Variants in COL4A4 observed in about 807,000 individuals in gnomAD.
COL4A4 encodes collagen alpha-4(IV) chain.
COL4A4 carries 105 observed loss-of-function variants against 192.9 expected under a neutral mutation model. The ratio of observed to expected loss-of-function variants is 0.54; its 90% CI spans 0.46 to 0.64. The LOEUF is 0.64. COL4A4 is among the 30% of genes least tolerant of loss of function. The pLI is 0.00. For synonymous variants in COL4A4, 762 were observed against 769.9 expected (o/e 0.99, Z 0.17); for missense variants, 1,967 against 2,169.3 (o/e 0.91, Z 1.85).
intron 12 of COL4A4, chr2:227,104,288 G>A: frequency 2.2e-6 from 1 of 458,168 alleles, no homozygotes; most frequent in Non-Finnish European, 4.0e-6. Context: ...CTACTATCCA[G>A]GGCCAGGCGC....
chr2:227,120,898 C>T (rs2061741603), intron 5 of COL4A4, 116 bp downstream of exon 5: 1 of 1,366,828 alleles, frequency 7.3e-7, no homozygotes, highest in East Asian at 2.3e-5. Flanking sequence ...GAGATCCCAC[C>T]ACTGCATTCT....
intron 25 of COL4A4, among the ~76,000 whole-genome samples, chr2:227,070,046 A>C (rs1184687832): frequency 6.6e-6 from 1 of 151,530 alleles, no homozygotes; most frequent in African/African-American, 2.4e-5. Flanking sequence ...AACCCCATCA[A>C]AAAGTGGGCG....
chr2:227,040,706 C>T (rs370524076), intron 37 of COL4A4, among the ~76,000 whole-genome samples: 1 of 151,816 alleles, frequency 6.6e-6, no homozygotes, highest in African/African-American at 2.4e-5. Flanking sequence ...GATGGGATTA[C>T]AGGCATGCAC....
chr2:227,086,228 T>G (rs2059596458), intron 22 of COL4A4, among the ~76,000 whole-genome samples: 1 of 152,210 alleles, frequency 6.6e-6, no homozygotes, highest in Admixed American at 6.5e-5. Context: ...GTTTTCTGTT[T>G]TCTTCTTTCC....
At chr2:227,065,375 C>A (rs1319979820) in intron 25 of COL4A4, among the ~76,000 whole-genome samples, 2 of 152,252 alleles carry the variant, frequency 1.3e-5, no homozygotes, top group Non-Finnish European at 2.9e-5. Context: ...GTGGAGCCCA[C>A]CACAGCTCAA....
chr2:227,093,494 A>G (rs953911361), intron 20 of COL4A4, among the ~76,000 whole-genome samples: 1 of 151,932 alleles, frequency 6.6e-6, no homozygotes, highest in African/African-American at 2.4e-5. Context: ...GTTTCTGATG[A>G]CTGGATGGCT....
the COL4A4 span, among the ~76,000 whole-genome samples, chr2:226,982,781 A>AG: frequency 6.6e-6 from 1 of 152,196 alleles, no homozygotes; most frequent in Non-Finnish European, 1.5e-5. Context: ...TCAAGCATTT[A>AG]TGATGCACCC....
chr2:226,984,341 A>G, the COL4A4 span, among the ~76,000 whole-genome samples: 5 of 152,334 alleles, frequency 3.3e-5, 1 homozygote, highest in African/African-American at 1.2e-4. Flanking sequence ...TGATCAGGTT[A>G]TAGTGGGGTC....
At chr2:227,131,136 TCTG>T (rs1286895152) in intron 4 of COL4A4, among the ~76,000 whole-genome samples, 5 of 151,304 alleles carry the variant, frequency 3.3e-5, no homozygotes, top group South Asian at 2.1e-4. Context: ...GGAAAATCTG[TCTG>T]CTTTTTTTTT....
At chr2:227,097,872 A>G (rs1169077885) in intron 19 of COL4A4, among the ~76,000 whole-genome samples, 1 of 152,256 alleles carries the variant, frequency 6.6e-6, no homozygotes, top group Non-Finnish European at 1.5e-5. Context: ...AAATATAACA[A>G]GAGACACAGG....
At chr2:227,124,219 A>G (rs2061961646) in intron 4 of COL4A4, among the ~76,000 whole-genome samples, 1 of 152,248 alleles carries the variant, frequency 6.6e-6, no homozygotes, top group Non-Finnish European at 1.5e-5. Flanking sequence ...TGCATGTCTC[A>G]TAAGTGAAAA....
chr2:227,059,426 G>A lies in COL4A4; in HGVS notation c.2362C>T (p.Pro788Ser), dbSNP rs1976325124. ...VPGIKGPRGD[P>S]GCPGAEGPAG... ...ATACCTTCAGCCCCTGGACATCCCG[G>A]ATCACCTCTGGGTCCTTTTATCCCT... The change falls in exon 28 of 48, where the codon CCG becomes TCG. Residue 788 changes from proline (P) to serine (S), a missense_variant. By Grantham distance (74) the Pro-to-Ser change is moderately conservative. Coordinates refer to ENST00000396625, the MANE Select transcript of COL4A4 (RefSeq NM_000092.5). The A allele has an allele frequency of 6.2e-7, 1 of 1,613,942 alleles. No homozygotes were observed. Among genetic ancestry groups the A allele is most frequent in the Non-Finnish European group, 8.5e-7 (1 of 1,180,010 alleles).
chr2:227,012,115 C>A (rs764369144), intron 45 of COL4A4, 66 bp downstream of exon 45: 1 of 1,312,464 alleles, frequency 7.6e-7, no homozygotes, highest in Non-Finnish European at 1.1e-6. Context: ...CTTGAGAGAT[C>A]AGAGATTTTG....
At chr2:227,030,672 C>A in intron 40 of COL4A4, 74 bp from the exon 41 acceptor site, 48 of 1,180,526 alleles carry the variant, frequency 4.1e-5, no homozygotes, top group Middle Eastern at 2.0e-4. Context: ...TGACAGCTTC[C>A]GAAGAAAAAC....
chr2:227,092,576 T>G (rs1279009749), intron 20 of COL4A4, among the ~76,000 whole-genome samples: 1 of 152,198 alleles, frequency 6.6e-6, no homozygotes, highest in East Asian at 1.9e-4. Context: ...TGTATAATGA[T>G]GAAATTTAGA....
intron 20 of COL4A4, among the ~76,000 whole-genome samples, chr2:227,093,386 G>C (rs34088425): frequency 6.6e-6 from 1 of 151,894 alleles, no homozygotes; most frequent in Non-Finnish European, 1.5e-5. Context: ...TTATTCCAGA[G>C]GTCACAAGAT....
rs1334751349 is a variant in COL4A4, at chr2:227,042,260, G to C, written c.3398-5C>G. Reference sequence around the variant, plus strand: ...GCCCAGGCATCCCGTGATCACCTGAGGATGACAGGGAAGTTTTGCAGATGG... The same window carrying C: ...GCCCAGGCATCCCGTGATCACCTGACGATGACAGGGAAGTTTTGCAGATGG... On this transcript the variant is annotated splice_region_variant and splice_polypyrimidine_tract_variant and intron_variant, in intron 36 of 47. Transcript: ENST00000396625. The C allele has an allele frequency of 5.1e-6, 8 of 1,575,816 alleles. No homozygotes were observed. Among genetic ancestry groups the C allele is most frequent in the Non-Finnish European group, 7.0e-6 (8 of 1,145,202 alleles).
intron 47 of COL4A4, 96 bp from the exon 48 acceptor site, chr2:227,007,684 T>C (rs887751060): frequency 6.0e-6 from 9 of 1,495,512 alleles, no homozygotes; most frequent in African/African-American, 2.8e-5. Context: ...GATCTTAACA[T>C]TTTTCCTTAG....
intron 1 of COL4A4, among the ~76,000 whole-genome samples, chr2:227,162,023 C>A (rs2125575962): frequency 6.6e-6 from 1 of 152,138 alleles, no homozygotes; most frequent in African/African-American, 2.4e-5. Context: ...TAGATTCCAA[C>A]AACTCCCTGA....
Sources: allele counts gnomAD v4.1 joint callset (sites outside exome capture counted in the v4.1 genomes callset), GRCh38; gene constraint gnomAD v4.1.1; transcripts MANE v1.5; gene names NCBI Gene and HGNC (gene_info 2026-07-23, HGNC 2026-07-21).